Variants in EFCAB6 observed in about 807,000 individuals in gnomAD.
The protein encoded by EFCAB6 is EF-hand calcium-binding domain-containing protein 6.
A neutral mutation model predicts 169.8 loss-of-function variants in EFCAB6; 156 were observed. That is an observed-to-expected ratio of 0.92 (90% CI 0.81 to 1.05). The LOEUF (loss-of-function observed/expected upper bound fraction) is 1.05. Among genes scored for constraint, EFCAB6 ranks in the 50% least tolerant of loss-of-function variants. The pLI, the probability that EFCAB6 is intolerant of heterozygous loss-of-function variation, is 0.00. For synonymous variants in EFCAB6, 698 were observed against 676.4 expected (o/e 1.03, Z -0.50); for missense variants, 1,800 against 1,829.1 (o/e 0.98, Z 0.29).
chr22:43,725,234 C>T (rs576197448), intron 8 of EFCAB6, among the ~76,000 whole-genome samples: 6 of 150,904 alleles, frequency 4.0e-5, no homozygotes, highest in South Asian at 2.1e-4. Flanking sequence ...CCCCGCCTAC[C>T]GGGTTCAAGC....
intron 10 of EFCAB6, among the ~76,000 whole-genome samples, chr22:43,709,692 T>C (rs759418579): frequency 5.3e-5 from 8 of 152,200 alleles, no homozygotes; most frequent in Non-Finnish European, 8.8e-5. Context: ...ATTTTTATTA[T>C]TGCTATTAAA....
intron 8 of EFCAB6, among the ~76,000 whole-genome samples, chr22:43,725,634 GACACCATGAGTTTT>G (rs2147540187): frequency 6.6e-6 from 1 of 152,316 alleles, no homozygotes; most frequent in African/African-American, 2.4e-5. Flanking sequence ...AGAATATGCT[GACACCATGAGTTTT>G]ACACTTTAGG....
At chr22:43,740,229 C>T (rs1032025202) in intron 6 of EFCAB6, among the ~76,000 whole-genome samples, 1 of 152,176 alleles carries the variant, frequency 6.6e-6, no homozygotes, top group Non-Finnish European at 1.5e-5. Flanking sequence ...ATCCTCTTAT[C>T]TTCTCTCCAA....
In EFCAB6 at chr22:43,735,945, C is replaced by T. The variant is rs2060122866; in HGVS notation, c.556G>A (p.Val186Ile). The change falls in exon 7 of 32, where the codon GTT (valine) becomes ATT (isoleucine). Residue 186 changes from valine to isoleucine, a missense_variant. Val to Ile is a conservative substitution (Grantham distance 29). Coordinates refer to ENST00000262726, the MANE Select transcript of EFCAB6 (RefSeq NM_022785.4). ...TVMKAFELID[V>I]NKTGLVRPQE... is the part of the protein sequence containing the mutation. ...GGTCGAACCAGTCCAGTCTTGTTAA[C>T]ATCAATGAGCTCAAAGGCTTTCATA... The T allele has an allele frequency of 6.2e-7, 1 of 1,614,138 alleles. No homozygotes were observed. The highest frequency in any genetic ancestry group is 8.5e-7 in the Non-Finnish European group (1 of 1,180,034).
At chr22:43,689,886 T>C (rs1007436902) in intron 10 of EFCAB6, among the ~76,000 whole-genome samples, 1 of 152,232 alleles carries the variant, frequency 6.6e-6, no homozygotes, top group Non-Finnish European at 1.5e-5. Context: ...AAATTAAGTC[T>C]CTTTCTATGA....
chr22:43,615,886 A>G lies in EFCAB6; in HGVS notation c.2502T>C (p.Cys834=), dbSNP rs1272811685. ...KQKVADSELA[C]EQAHQYLVTK... ...TAACAAGATACTGATGAGCCTGCTC[A>G]CAAGCTAGTTCTGAATCCGCAACCT... The change falls in exon 21 of 32, where the codon TGT becomes TGC. Residue 834 remains cysteine, a synonymous_variant. Coordinates refer to ENST00000262726, the MANE Select transcript of EFCAB6 (RefSeq NM_022785.4). The G allele has an allele frequency of 6.2e-7, 1 of 1,613,820 alleles. No individual in the cohort carries two copies. The highest frequency in any genetic ancestry group is 8.5e-7 in the Non-Finnish European group (1 of 1,179,958).
At chr22:43,737,908 TA>T (rs1258328819) in intron 6 of EFCAB6, among the ~76,000 whole-genome samples, 1 of 149,690 alleles carries the variant, frequency 6.7e-6, no homozygotes, top group Non-Finnish European at 1.5e-5. Context: ...CACATATACA[TA>T]TCACACACAT....
rs139639231 is a variant in EFCAB6 at position 43,547,309 on chromosome 22, A to G, written c.3649-6952T>C. On this transcript the variant is annotated intron_variant, in intron 27 of 31. Coordinates refer to ENST00000262726, the MANE Select transcript of EFCAB6 (RefSeq NM_022785.4). Reference sequence around the variant, plus strand: ...AAAAGCCAATTGGCAAAAGAGAACAATGAAAAGACTGATGAACTTTTGACT... The same window carrying G: ...AAAAGCCAATTGGCAAAAGAGAACAGTGAAAAGACTGATGAACTTTTGACT... Among the ~76,000 whole-genome samples, 791 of 152,312 alleles carry G rather than the reference A, an allele frequency of 5.2e-3. 4 individuals carry two copies. Among genetic ancestry groups the G allele is most frequent in the Middle Eastern group, 0.041 (12 of 294 alleles).
intron 3 of EFCAB6, among the ~76,000 whole-genome samples, chr22:43,778,294 A>G (rs1240955071): frequency 6.6e-6 from 1 of 152,236 alleles, no homozygotes; most frequent in Non-Finnish European, 1.5e-5. Context: ...CCCCCAGTGC[A>G]GGTAAGTAGC....
intron 8 of EFCAB6, among the ~76,000 whole-genome samples, 157 bp downstream of exon 8, chr22:43,731,542 A>G (rs1446956154): frequency 2.6e-5 from 4 of 152,174 alleles, no homozygotes; most frequent in African/African-American, 9.7e-5. Flanking sequence ...ATTCTTAGGC[A>G]TTGACGTTAT....
At chr22:43,659,418 G>A (rs1041304978) in intron 17 of EFCAB6, among the ~76,000 whole-genome samples, 4 of 152,146 alleles carry the variant, frequency 2.6e-5, no homozygotes, top group Admixed American at 6.5e-5. Context: ...CAGCACTTTC[G>A]GAGGCTGAGG....
rs2060469083 is a variant in EFCAB6 at position 43,744,013 on chromosome 22, G to T, written c.508-8020C>A. 1.3e-5 allele frequency among the ~76,000 whole-genome samples: 2 copies of T among 150,540 alleles called. No homozygotes were observed. The highest frequency in any genetic ancestry group is 1.5e-5 in the Non-Finnish European group (1 of 67,680). The stretch of plus-strand genomic sequence containing the variant: ...TAAATGGATGAATGAATGGATGAAG[G>T]GATGAATGATGAATGAATGAATGAA... On this transcript the variant is annotated intron_variant, in intron 6 of 31. Coordinates refer to ENST00000262726, the MANE Select transcript of EFCAB6 (RefSeq NM_022785.4). The surrounding 1 kb of genome is among the most constrained non-coding windows in gnomAD (Gnocchi z 4.3).
chr22:43,677,721 G>A (rs371659626), intron 13 of EFCAB6, among the ~76,000 whole-genome samples: 13 of 152,194 alleles, frequency 8.5e-5, no homozygotes, highest in African/African-American at 1.2e-4. Context: ...CAAGAGGAGT[G>A]CTGTTGAGGT....
chr22:43,607,632 A>AAC (rs889907853), intron 22 of EFCAB6, among the ~76,000 whole-genome samples: 3 of 152,202 alleles, frequency 2.0e-5, no homozygotes, highest in African/African-American at 7.2e-5. Flanking sequence ...TTAGACACAA[A>AAC]ACAACCCACC....
rs563876703 is a variant in EFCAB6, at chr22:43,753,634, G to A, written c.507+2132C>T. 7.9e-5 allele frequency among the ~76,000 whole-genome samples: 12 copies of A among 152,282 alleles called. No individual in the cohort carries two copies. In the South Asian group the frequency reaches 1.7e-3, roughly 21 times the overall value. On this transcript the variant is annotated intron_variant, in intron 6 of 31. Coordinates refer to ENST00000262726, the MANE Select transcript of EFCAB6 (RefSeq NM_022785.4). The stretch of plus-strand genomic sequence containing the variant: ...GGATAAGAGCATGAACATGAGCGTC[G>A]GTTGGAGGGTCTGAGGGCCTGTGAA...
At chr22:43,575,300 C>G (rs951018619) in intron 26 of EFCAB6, among the ~76,000 whole-genome samples, 3 of 151,776 alleles carry the variant, frequency 2.0e-5, no homozygotes, top group East Asian at 1.9e-4. Context: ...AGGTGATTCT[C>G]CAGCCTCAGC....
At chr22:43,705,621 A>ACAAC (rs1401137709) in intron 10 of EFCAB6, among the ~76,000 whole-genome samples, 3 of 152,196 alleles carry the variant, frequency 2.0e-5, no homozygotes, top group African/African-American at 7.2e-5. Flanking sequence ...ATGCTCTTGA[A>ACAAC]CAACCAATAG....
At chr22:43,542,345 C>T (rs920362988) in intron 27 of EFCAB6, among the ~76,000 whole-genome samples, 3 of 152,092 alleles carry the variant, frequency 2.0e-5, no homozygotes, top group Non-Finnish European at 2.9e-5. Flanking sequence ...TTTGGGAGGC[C>T]GAGACAGGAG....
chr22:43,773,143 G>A (rs2061532280), intron 3 of EFCAB6, 40 bp from the exon 4 acceptor site: 2 of 1,595,180 alleles, frequency 1.3e-6, no homozygotes, highest in Non-Finnish European at 8.6e-7. Context: ...CATGTTTAAA[G>A]CCAAGATACT....
Sources: allele counts gnomAD v4.1 joint callset (sites outside exome capture counted in the v4.1 genomes callset), GRCh38; gene constraint gnomAD v4.1.1; non-coding constraint Gnocchi (gnomAD v3.1); transcripts MANE v1.5; gene names NCBI Gene and HGNC (gene_info 2026-07-23, HGNC 2026-07-21).